The following SPIRE2 variants were observed in gnomAD, a reference collection of about 807,000 sequenced individuals.
SPIRE2 encodes spire type actin nucleation factor 2.
Under a neutral mutation model 80.7 loss-of-function variants are expected in SPIRE2, and 76 were observed. The observed-to-expected ratio is 0.94, with a 90% CI of 0.78 to 1.14. The LOEUF (loss-of-function observed/expected upper bound fraction) is 1.14. Among genes scored for constraint, SPIRE2 ranks in the 50% most tolerant of loss-of-function variants. SPIRE2 has a pLI of 0.00. For missense variants in SPIRE2, 1,196 were observed against 1,015.3 expected (o/e 1.18, Z -2.42); for synonymous variants, 535 against 432.6 (o/e 1.24, Z -2.94).
At position 89,863,792 on chromosome 16, in the gene SPIRE2, A is replaced by C; in HGVS notation, c.1711-2A>C. 1 of 1,613,988 alleles carries C rather than the reference A, an allele frequency of 6.2e-7. No individual in the cohort carries two copies. Among genetic ancestry groups the C allele is most frequent in the South Asian group, 1.1e-5 (1 of 91,076 alleles). On this transcript the variant is annotated splice_acceptor_variant, in intron 11 of 14. Transcript: ENST00000378247. LOFTEE classifies it high-confidence loss of function. The surrounding 1 kb of genome is among the most constrained non-coding windows in gnomAD (Gnocchi z 4.3). Reference sequence around the variant, plus strand: ...GGGGCTCTAACCAGTCTCTCCTGACAGATTTGCTGCTGCTGCCGGGCCAAG... The same window carrying C: ...GGGGCTCTAACCAGTCTCTCCTGACCGATTTGCTGCTGCTGCCGGGCCAAG...
At position 89,870,375 on chromosome 16, in the gene SPIRE2, T is replaced by C. The variant is rs2041829784; in HGVS notation, c.*103T>C. 5 of 660,376 alleles carry C rather than the reference T, an allele frequency of 7.6e-6. No homozygotes were observed. The highest frequency in any genetic ancestry group is 4.2e-4 in the Middle Eastern group (1 of 2,408). 40.9% of individuals were successfully genotyped at this position (660,376 alleles called of 1,614,324 possible). A position where few individuals can be genotyped will look rare whatever the true frequency, so the allele number is the denominator to read the frequency against. On this transcript the variant is annotated 3_prime_UTR_variant, in exon 15 of 15. Transcript: ENST00000378247. ...ACATATATACATATATAGATACATT[T>C]ATAATATATACACACAGTCTATATA...
chr16:89,853,506 C>T (rs1401647169), intron 3 of SPIRE2, among the ~76,000 whole-genome samples: 1 of 152,166 alleles, frequency 6.6e-6, no homozygotes, highest in African/African-American at 2.4e-5. Context: ...CCTCTGTGCC[C>T]TTTGCCCTGG....
intron 1 of SPIRE2, among the ~76,000 whole-genome samples, chr16:89,829,612 G>C (rs1210122183): frequency 6.6e-6 from 1 of 152,180 alleles, no homozygotes; most frequent in African/African-American, 2.4e-5. Flanking sequence ...AAGGGCCAGG[G>C]CAAGGCCAGA....
chr16:89,846,672 C>G (rs1362646130), intron 2 of SPIRE2: 1 of 151,028 alleles, frequency 6.6e-6, no homozygotes, highest in African/African-American at 2.4e-5. Context: ...GCCACCATGC[C>G]CGGCTAATTT....
At chr16:89,860,825 C>A (rs373230776) in intron 10 of SPIRE2, 30 bp downstream of exon 10, 1 of 1,393,024 alleles carries the variant, frequency 7.2e-7, no homozygotes, top group Non-Finnish European at 9.5e-7. Flanking sequence ...TCGTCCAGGG[C>A]GGCCCAGGGG....
intron 2 of SPIRE2, 114 bp downstream of exon 2, chr16:89,845,479 G>C: frequency 1.0e-6 from 1 of 964,540 alleles, no homozygotes; most frequent in South Asian, 1.3e-5. Context: ...GAGGCAGGGT[G>C]CAGATGAAGT....
intron 1 of SPIRE2, among the ~76,000 whole-genome samples, chr16:89,840,961 C>T (rs2041500864): frequency 6.6e-6 from 1 of 151,990 alleles, no homozygotes; most frequent in Admixed American, 6.6e-5. Flanking sequence ...TTTACAAGCA[C>T]ACACAGGATT....
intron 1 of SPIRE2, chr16:89,836,508 G>A (rs938990444): frequency 6.9e-6 from 2 of 289,688 alleles, no homozygotes; most frequent in Non-Finnish European, 7.1e-6. Flanking sequence ...TGGATGGTAG[G>A]ACGGTTCCCC....
intron 1 of SPIRE2, among the ~76,000 whole-genome samples, chr16:89,831,642 C>A (rs937500329): frequency 6.6e-6 from 1 of 151,078 alleles, no homozygotes; most frequent in Non-Finnish European, 1.5e-5. Context: ...CATGATCCGC[C>A]CACCTCGGCC....
At position 89,850,597 on chromosome 16, in the gene SPIRE2, C is replaced by G; in HGVS notation, c.582C>G (p.Arg194=). ...GAQAHYQAVC[R]ALFVETLELR... Reference sequence around the variant, plus strand: ...AGGCGCATTACCAGGCCGTGTGCCGCGCGCTCTTCGTGGAGACGCTGGAGC... The same window carrying G: ...AGGCGCATTACCAGGCCGTGTGCCGGGCGCTCTTCGTGGAGACGCTGGAGC... Residue 194 remains arginine (R), a synonymous_variant, in exon 3 of 15, where the codon CGC becomes CGG. Coordinates refer to ENST00000378247, the MANE Select transcript of SPIRE2 (RefSeq NM_032451.2). 6.6e-7 allele frequency: 1 copy of G among 1,519,448 alleles called. No individual in the cohort carries two copies. Among genetic ancestry groups the G allele is most frequent in the Non-Finnish European group, 8.8e-7 (1 of 1,139,214 alleles). The allele number at this position is 1,519,448 out of a possible 1,614,324, so 94.1% of individuals were successfully genotyped here. A position where few individuals can be genotyped will look rare whatever the true frequency, so the allele number is the denominator to read the frequency against.
intron 1 of SPIRE2, among the ~76,000 whole-genome samples, chr16:89,835,287 C>G (rs1311329782): frequency 6.6e-6 from 1 of 152,222 alleles, no homozygotes; most frequent in South Asian, 2.1e-4. Flanking sequence ...TTGGGCAGCT[C>G]TTGCAAGTTC....
At chr16:89,849,193 C>G (rs1384256857) in intron 2 of SPIRE2, among the ~76,000 whole-genome samples, 1 of 152,226 alleles carries the variant, frequency 6.6e-6, no homozygotes, top group Non-Finnish European at 1.5e-5. Flanking sequence ...GGCAAAGCGG[C>G]CCCAGGAAGT....
intron 1 of SPIRE2, among the ~76,000 whole-genome samples, chr16:89,844,368 G>A (rs988455032): frequency 4.8e-4 from 73 of 151,258 alleles, no homozygotes; most frequent in African/African-American, 1.7e-3. Flanking sequence ...TAGAGATAGG[G>A]TTTCATCATG....
At chr16:89,861,806 CCT>C (rs959363580) in intron 10 of SPIRE2, among the ~76,000 whole-genome samples, 2 of 152,220 alleles carry the variant, frequency 1.3e-5, no homozygotes, top group Admixed American at 1.3e-4. Context: ...GCTGTGTAGG[CCT>C]CTCTCGGGCT....
At chr16:89,868,110 G>T in intron 12 of SPIRE2, 79 bp from the exon 13 acceptor site, 1 of 1,523,336 alleles carries the variant, frequency 6.6e-7, no homozygotes, top group Non-Finnish European at 9.1e-7. Flanking sequence ...CGGATGCGTG[G>T]AGGCCGGGAT....
chr16:89,843,839 A>G (rs1403735506), intron 1 of SPIRE2, among the ~76,000 whole-genome samples: 1 of 137,548 alleles, frequency 7.3e-6, no homozygotes, highest in Non-Finnish European at 1.5e-5. Context: ...AGCTAGGACT[A>G]CATATATGCA....
chr16:89,828,643 CGA>C lies in SPIRE2; in HGVS notation c.95_96del (p.Glu32AlafsTer115). 1 of 1,360,068 alleles carries C rather than the reference CGA, an allele frequency of 7.4e-7. No individual in the cohort carries two copies. The allele number at this position is 1,360,068 out of a possible 1,614,324, so 84.3% of individuals were successfully genotyped here. A position where few individuals can be genotyped will look rare whatever the true frequency, so the allele number is the denominator to read the frequency against. ...LSLEEVLKAYEQPLNEEQAWA... is the reference protein window; with the variant it reads ...LSLEEVLKAYXQPLNEEQAWA... Reference sequence around the variant, plus strand: ...CCCTGGAGGAGGTGCTGAAGGCCTACGAGCAGCCGCTCAACGAGGAGCAGGCG... The same window carrying C: ...CCCTGGAGGAGGTGCTGAAGGCCTACGCAGCCGCTCAACGAGGAGCAGGCG... On this transcript the variant is annotated frameshift_variant, in exon 1 of 15. Coordinates refer to ENST00000378247, the MANE Select transcript of SPIRE2 (RefSeq NM_032451.2). LOFTEE classifies it high-confidence loss of function. The surrounding 1 kb of genome is among the most constrained non-coding windows in gnomAD (Gnocchi z 5.9).
chr16:89,854,172 T>C (rs2041664715), intron 3 of SPIRE2, 114 bp from the exon 4 acceptor site: 1 of 970,716 alleles, frequency 1.0e-6, no homozygotes, highest in Non-Finnish European at 1.6e-6. Flanking sequence ...CTGTCTCTTT[T>C]CCGGCTGGTC....
chr16:89,856,077 T>C (rs1105691), intron 6 of SPIRE2, 36 bp from the exon 7 acceptor site: 271,294 of 1,593,606 alleles, frequency 0.17, 25,272 homozygotes, highest in Non-Finnish European at 0.19. Flanking sequence ...CCGCAGGTCC[T>C]GCTTCCCCAC....
Sources: gnomAD v4.1 joint callset for allele counts (sites outside exome capture counted in the v4.1 genomes callset) on GRCh38, gnomAD v4.1.1 for gene constraint, Gnocchi (gnomAD v3.1) non-coding constraint, MANE v1.5 for transcripts, NCBI Gene and HGNC (gene_info 2026-07-23, HGNC 2026-07-21) for gene names.